The following TEC variants were observed in gnomAD, a reference collection of about 807,000 sequenced individuals.
The protein encoded by TEC is tec protein tyrosine kinase, also known as tyrosine-protein kinase Tec.
In TEC, 72 loss-of-function variants were observed where a neutral mutation model predicts 93.0. The observed-to-expected ratio is 0.77, with a 90% CI of 0.64 to 0.94. The LOEUF is 0.94. Among genes scored for constraint, TEC ranks in the 40% least tolerant of loss-of-function variants. The pLI is 0.00. For missense variants in TEC, 630 were observed against 757.9 expected (o/e 0.83, Z 1.98); for synonymous variants, 249 against 247.7 (o/e 1.01, Z -0.05).
At chr4:48,229,154 A>G (rs1428160522) in intron 1 of TEC, among the ~76,000 whole-genome samples, 2 of 152,194 alleles carry the variant, frequency 1.3e-5, no homozygotes, top group African/African-American at 2.4e-5. Context: ...ATAAGGATGT[A>G]ATCTCAATGA....
intron 1 of TEC, among the ~76,000 whole-genome samples, chr4:48,259,436 C>A (rs937441999): frequency 2.6e-5 from 4 of 152,132 alleles, no homozygotes; most frequent in African/African-American, 7.2e-5. Flanking sequence ...GACAAAGGGG[C>A]TGGGCGCAGT....
At chr4:48,141,683 T>C in intron 14 of TEC, 1 of 280,088 alleles carries the variant, frequency 3.6e-6, no homozygotes, top group South Asian at 5.3e-5. Context: ...TTTCTTTTCT[T>C]TCTTTTTTTT....
At chr4:48,268,882 A>C (rs1440504988) in intron 1 of TEC, among the ~76,000 whole-genome samples, 1 of 152,264 alleles carries the variant, frequency 6.6e-6, no homozygotes, top group Non-Finnish European at 1.5e-5. Flanking sequence ...CAGTTTCCAA[A>C]GAATAGCAAT....
chr4:48,157,052 G>A (rs1180667386), intron 8 of TEC, among the ~76,000 whole-genome samples: 1 of 152,028 alleles, frequency 6.6e-6, no homozygotes, highest in Non-Finnish European at 1.5e-5. Flanking sequence ...ATCAATATAG[G>A]TCTACATATG....
At chr4:48,191,444 T>TAACATACC (rs552972378) in intron 2 of TEC, among the ~76,000 whole-genome samples, 2 of 152,322 alleles carry the variant, frequency 1.3e-5, no homozygotes, top group East Asian at 3.9e-4. Context: ...TTTCATTAGG[T>TAACATACC]AACATACCAA....
At chr4:48,263,432 T>C (rs545550163) in intron 1 of TEC, among the ~76,000 whole-genome samples, 9 of 152,006 alleles carry the variant, frequency 5.9e-5, no homozygotes, top group African/African-American at 2.2e-4. Context: ...ACAGGAACAA[T>C]AGGCCAGGCG....
intron 17 of TEC, among the ~76,000 whole-genome samples, chr4:48,138,093 C>A (rs1719506674): frequency 6.6e-6 from 1 of 152,178 alleles, no homozygotes; most frequent in Non-Finnish European, 1.5e-5. Context: ...AACCTCATGA[C>A]CCTTAATCTT....
intron 8 of TEC, among the ~76,000 whole-genome samples, chr4:48,160,969 T>C (rs1003701137): frequency 6.6e-6 from 1 of 151,892 alleles, no homozygotes; most frequent in African/African-American, 2.4e-5. Context: ...GAAGGAACTA[T>C]ACATCTAGAA....
intron 11 of TEC, among the ~76,000 whole-genome samples, chr4:48,146,828 A>C (rs1039836528): frequency 1.3e-5 from 2 of 152,180 alleles, no homozygotes; most frequent in Non-Finnish European, 2.9e-5. Context: ...ATCAGTGTGG[A>C]TCTTTTAACC....
At chr4:48,154,942 G>A (rs1176363880) in intron 9 of TEC, among the ~76,000 whole-genome samples, 1 of 152,166 alleles carries the variant, frequency 6.6e-6, no homozygotes, top group African/African-American at 2.4e-5. Flanking sequence ...ATAATGATAA[G>A]GCTGACCAAC....
intron 2 of TEC, among the ~76,000 whole-genome samples, chr4:48,222,063 G>A (rs544802358): frequency 4.9e-4 from 75 of 152,298 alleles, no homozygotes; most frequent in Non-Finnish European, 9.8e-4. Flanking sequence ...AGGCTTCTGA[G>A]AAGATGGGGA....
In TEC at chr4:48,230,910, C is replaced by G. The variant is rs114489506; in HGVS notation, c.-45-2251G>C. 6.7e-3 allele frequency among the ~76,000 whole-genome samples: 1,023 copies of G among 152,310 alleles called. 9 individuals are homozygous for G. The highest frequency in any genetic ancestry group is 0.022 in the African/African-American group (935 of 41,558). On this transcript the variant is annotated intron_variant, in intron 1 of 17. Coordinates refer to ENST00000381501, the MANE Select transcript of TEC (RefSeq NM_003215.3). ...TGGCTCCTATTAATTAAAAGCCTTC[C>G]AACTCCTGGGCCATAATTTCTATCA...
chr4:48,192,404 G>A (rs1722123683), intron 2 of TEC, among the ~76,000 whole-genome samples: 1 of 152,052 alleles, frequency 6.6e-6, no homozygotes, highest in East Asian at 1.9e-4. Flanking sequence ...AGGGGTTATG[G>A]GCATACTCAG....
chr4:48,261,570 A>G (rs1724497355), intron 1 of TEC, among the ~76,000 whole-genome samples: 1 of 152,242 alleles, frequency 6.6e-6, no homozygotes, highest in Non-Finnish European at 1.5e-5. Context: ...GGAAATAGTA[A>G]CAAAAGATAT....
chr4:48,218,324 T>C (rs1180946779), intron 2 of TEC, among the ~76,000 whole-genome samples: 1 of 152,126 alleles, frequency 6.6e-6, no homozygotes, highest in African/African-American at 2.4e-5. Context: ...ATGTCACTTT[T>C]GTTGTTGTTG....
chr4:48,202,700 A>G (rs1275383434), intron 2 of TEC, among the ~76,000 whole-genome samples: 1 of 152,126 alleles, frequency 6.6e-6, no homozygotes, highest in Non-Finnish European at 1.5e-5. Context: ...CCCCATAACA[A>G]CCCTTTGAGG....
chr4:48,212,110 AATATATAT>A (rs1553892127), intron 2 of TEC, among the ~76,000 whole-genome samples: 17 of 122,230 alleles, frequency 1.4e-4, no homozygotes, highest in Middle Eastern at 4.3e-3. Flanking sequence ...AAAAAAAAAA[AATATATAT>A]ATATATATAT....
intron 14 of TEC, chr4:48,141,769 A>T: frequency 5.3e-6 from 1 of 189,840 alleles, no homozygotes; most frequent in Non-Finnish European, 1.0e-5. Context: ...TGCAACCTCC[A>T]CCTTCCAGTT....
chr4:48,172,628 A>G (rs62309328), intron 3 of TEC, among the ~76,000 whole-genome samples: 17,799 of 150,444 alleles, frequency 0.12, 1,330 homozygotes, highest in East Asian at 0.35. Flanking sequence ...AGTAATGTGA[A>G]CACCATAGAA....
Sources: allele counts gnomAD v4.1 joint callset (sites outside exome capture counted in the v4.1 genomes callset), GRCh38; gene constraint gnomAD v4.1.1; transcripts MANE v1.5; gene names NCBI Gene and HGNC (gene_info 2026-07-23, HGNC 2026-07-21).